Variants in PDE1C observed in about 807,000 individuals in gnomAD.
PDE1C encodes phosphodiesterase 1C.
Under a neutral mutation model 93.1 loss-of-function variants are expected in PDE1C, and 62 were observed. The ratio of observed to expected loss-of-function variants is 0.67; its 90% confidence interval spans 0.54 to 0.82. The LOEUF (loss-of-function observed/expected upper bound fraction) is 0.82. PDE1C is among the 40% of genes least tolerant of loss of function. The pLI is 0.00. For missense variants in PDE1C, 742 were observed against 884.6 expected (o/e 0.84, Z 2.04); for synonymous variants, 325 against 310.1 (o/e 1.05, Z -0.50).
At chr7:31,701,086 T>C in the PDE1C span, among the ~76,000 whole-genome samples, 1 of 152,320 alleles carries the variant, frequency 6.6e-6, no homozygotes, top group South Asian at 2.1e-4. Context: ...AAGAAATACA[T>C]GTTTTGCAAA....
intron 3 of PDE1C, among the ~76,000 whole-genome samples, chr7:32,163,857 G>A (rs1056605432): frequency 6.6e-6 from 1 of 152,158 alleles, no homozygotes; most frequent in African/African-American, 2.4e-5. Flanking sequence ...AGAGTTGGGG[G>A]TGTAGAGGAT....
chr7:32,003,834 A>C (rs1785797568), intron 2 of PDE1C, among the ~76,000 whole-genome samples: 1 of 152,200 alleles, frequency 6.6e-6, no homozygotes, highest in Non-Finnish European at 1.5e-5. Flanking sequence ...ATAGAAAAAC[A>C]TTTTTACTCT....
intron 5 of PDE1C, among the ~76,000 whole-genome samples, chr7:31,875,542 A>G (rs963614985): frequency 2.0e-5 from 3 of 151,884 alleles, no homozygotes; most frequent in African/African-American, 7.3e-5. Flanking sequence ...GCCTTCAACC[A>G]TTCTTCCTCA....
intron 1 of PDE1C, among the ~76,000 whole-genome samples, chr7:32,383,212 G>A (rs1238072381): frequency 6.6e-6 from 1 of 152,196 alleles, no homozygotes; most frequent in African/African-American, 2.4e-5. Context: ...TGAGGTCTGA[G>A]TCATTACATG....
intron 1 of PDE1C, among the ~76,000 whole-genome samples, chr7:32,290,521 A>C (rs895419298): frequency 6.6e-6 from 1 of 152,170 alleles, no homozygotes; most frequent in Admixed American, 6.5e-5. Flanking sequence ...AGGAATCGCT[A>C]TCCCCATTTA....
chr7:32,288,641 C>T (rs1205973135), intron 1 of PDE1C, among the ~76,000 whole-genome samples: 2 of 152,114 alleles, frequency 1.3e-5, no homozygotes, highest in East Asian at 1.9e-4. Context: ...TTAACTGACT[C>T]GATACAATTT....
chr7:31,791,389 A>C (rs1784578744), intron 16 of PDE1C, among the ~76,000 whole-genome samples: 1 of 152,144 alleles, frequency 6.6e-6, no homozygotes, highest in Non-Finnish European at 1.5e-5. Flanking sequence ...AGCACTGATA[A>C]ACTTGCCAGT....
rs1437267067 is a variant in PDE1C at position 31,969,270 on chromosome 7, A to G, written c.128+82284T>C. On this transcript the variant is annotated intron_variant, in intron 2 of 17. Coordinates refer to ENST00000396191, the MANE Select transcript of PDE1C (RefSeq NM_001191057.4). The stretch of plus-strand genomic sequence containing the variant: ...GACAAAGGGCTAATATCCAGAATCT[A>G]CAATGAACTCAAACAAATTTACAAG... Among the ~76,000 whole-genome samples, 5 of 151,694 alleles carry G rather than the reference A, an allele frequency of 3.3e-5. No homozygotes were observed. In the East Asian group the frequency reaches 9.6e-4, roughly 29 times the overall value.
At chr7:31,641,783 G>GTA in the PDE1C span, among the ~76,000 whole-genome samples, 1 of 152,120 alleles carries the variant, frequency 6.6e-6, no homozygotes, top group Non-Finnish European at 1.5e-5. Context: ...ACAAGAATAT[G>GTA]TATATATACA....
intron 3 of PDE1C, among the ~76,000 whole-genome samples, chr7:32,147,438 T>A (rs571628026): frequency 1.3e-5 from 2 of 152,324 alleles, no homozygotes; most frequent in Admixed American, 6.5e-5. Context: ...TTCTGTACTA[T>A]TTGAATTTTT....
chr7:31,695,848 A>G, the PDE1C span: 4 of 353,244 alleles, frequency 1.1e-5, no homozygotes, highest in African/African-American at 2.1e-5. Flanking sequence ...ACCTACCAAT[A>G]GTGAAACCAT....
intron 1 of PDE1C, among the ~76,000 whole-genome samples, chr7:32,397,125 A>G (rs894591443): frequency 6.6e-6 from 1 of 152,184 alleles, no homozygotes; most frequent in African/African-American, 2.4e-5. Flanking sequence ...AAGGTCTATA[A>G]ATTTTACTAT....
At chr7:32,009,049 A>T (rs558715880) in intron 2 of PDE1C, among the ~76,000 whole-genome samples, 1 of 152,364 alleles carries the variant, frequency 6.6e-6, no homozygotes, top group East Asian at 1.9e-4. Flanking sequence ...CCCAAAATGA[A>T]GAATCAGTGA....
intron 2 of PDE1C, among the ~76,000 whole-genome samples, chr7:31,995,574 T>G (rs1325574880): frequency 1.3e-5 from 2 of 152,212 alleles, no homozygotes; most frequent in African/African-American, 4.8e-5. Context: ...TTTTTATTGT[T>G]GTGCTTTGTT....
At chr7:32,094,810 A>C (rs2128746711) in intron 3 of PDE1C, among the ~76,000 whole-genome samples, 1 of 151,238 alleles carries the variant, frequency 6.6e-6, no homozygotes. Flanking sequence ...CTTTGCCTTG[A>C]CCCCCACCTT....
chr7:31,831,746 G>C (rs1252852265), intron 11 of PDE1C, among the ~76,000 whole-genome samples: 4 of 151,972 alleles, frequency 2.6e-5, no homozygotes, highest in African/African-American at 9.7e-5. Context: ...GGAGGACAAA[G>C]AGATGATGGA....
Position 31,850,621 on chromosome 7 carries a change from A to T in PDE1C, c.851+20T>A. ...CTCTGACCCCTCTTGCCTCTCTTCC[A>T]AACATTTAAACACCCTCACCGAGTC... is the stretch of plus-strand genomic sequence containing the variant. On this transcript the variant is annotated intron_variant, in intron 8 of 17. Transcript: ENST00000396191. 6.4e-7 allele frequency: 1 copy of T among 1,563,506 alleles called. No individual in the cohort carries two copies.
intron 16 of PDE1C, among the ~76,000 whole-genome samples, chr7:31,793,557 A>G (rs3807628): frequency 0.058 from 8,788 of 152,024 alleles, 296 homozygotes; most frequent in African/African-American, 0.083. Context: ...GATACAGCAC[A>G]CACCTGACAA....
chr7:32,417,994 TTTTGG>T (rs1158097288), intron 1 of PDE1C, among the ~76,000 whole-genome samples: 1 of 152,176 alleles, frequency 6.6e-6, no homozygotes, highest in Non-Finnish European at 1.5e-5. Flanking sequence ...TTTTGTTTTG[TTTTGG>T]TTTGGTTTTG....
Sources: allele counts gnomAD v4.1 joint callset (sites outside exome capture counted in the v4.1 genomes callset), GRCh38; gene constraint gnomAD v4.1.1; transcripts MANE v1.5; gene names NCBI Gene and HGNC (gene_info 2026-07-23, HGNC 2026-07-21).